CSMD3: variants seen among roughly 807,000 people sequenced by gnomAD.
CSMD3 encodes the protein CUB and Sushi multiple domains 3, also known as CUB and sushi domain-containing protein 3.
In CSMD3, 177 loss-of-function variants were observed where a neutral mutation model predicts 435.2. The observed-to-expected ratio is 0.41, with a 90% CI of 0.36 to 0.46. The LOEUF is 0.46. CSMD3 is among the 20% of genes least tolerant of loss of function. The probability of loss-of-function intolerance (pLI) is 0.34; values close to 1 mark genes in which losing one functional copy is unlikely to be tolerated. For synonymous variants in CSMD3, 1,656 were observed against 1,520.5 expected (o/e 1.09, Z -2.07); for missense variants, 4,265 against 4,504.6 (o/e 0.95, Z 1.52).
At chr8:112,650,373 A>C in intron 18 of CSMD3, 24 bp from the exon 19 acceptor site, 1 of 1,584,572 alleles carries the variant, frequency 6.3e-7, no homozygotes, top group Non-Finnish European at 8.7e-7. Context: ...GGAAGAAAAT[A>C]AAGAGTAAGC....
chr8:113,219,581 T>G (rs2092944039), intron 3 of CSMD3, among the ~76,000 whole-genome samples: 2 of 151,502 alleles, frequency 1.3e-5, no homozygotes, highest in African/African-American at 2.4e-5. Context: ...TAGATTGTGT[T>G]AGAGAAGATG....
chr8:112,686,697 G>T (rs1261693594), intron 14 of CSMD3, among the ~76,000 whole-genome samples: 1 of 151,970 alleles, frequency 6.6e-6, no homozygotes, highest in African/African-American at 2.4e-5. Flanking sequence ...TATTGGTCAA[G>T]CTGATCTCGA....
chr8:112,837,913 G>A (rs1456168951), intron 11 of CSMD3, among the ~76,000 whole-genome samples: 1 of 151,760 alleles, frequency 6.6e-6, no homozygotes, highest in Non-Finnish European at 1.5e-5. Flanking sequence ...CTCAAGGTAT[G>A]CAAATACCAC....
intron 2 of CSMD3, among the ~76,000 whole-genome samples, chr8:113,296,426 C>A (rs1380718122): frequency 1.3e-5 from 2 of 151,700 alleles, no homozygotes; most frequent in Admixed American, 6.6e-5. Context: ...AGCTAACACA[C>A]CAGGAGAGAA....
At chr8:112,768,971 A>G (rs573016182) in intron 13 of CSMD3, among the ~76,000 whole-genome samples, 139 of 152,076 alleles carry the variant, frequency 9.1e-4, no homozygotes, top group African/African-American at 3.2e-3. Flanking sequence ...TTATTCACAT[A>G]TCCAATTACC....
chr8:112,780,488 G>A (rs1372759334), intron 13 of CSMD3, among the ~76,000 whole-genome samples: 1 of 151,982 alleles, frequency 6.6e-6, no homozygotes, highest in Non-Finnish European at 1.5e-5. Flanking sequence ...ACACAAGAAA[G>A]CACTTCTGTA....
intron 41 of CSMD3, 60 bp from the exon 42 acceptor site, chr8:112,341,746 TACAC>T: frequency 3.0e-6 from 3 of 1,013,920 alleles, no homozygotes; most frequent in South Asian, 1.3e-5. Context: ...AACATAAATA[TACAC>T]ACACACAATC....
chr8:112,838,047 G>A (rs1177456084), intron 11 of CSMD3, among the ~76,000 whole-genome samples: 2 of 151,558 alleles, frequency 1.3e-5, no homozygotes, highest in African/African-American at 4.8e-5. Context: ...ACCCTGTGTT[G>A]ATTGCTTTGG....
chr8:112,352,881 T>A (rs923579067), intron 38 of CSMD3, among the ~76,000 whole-genome samples: 6 of 152,222 alleles, frequency 3.9e-5, no homozygotes, highest in African/African-American at 1.4e-4. Flanking sequence ...TAAAAATAAT[T>A]TATTATGATA....
At chr8:112,872,431 A>T (rs1017739204) in intron 10 of CSMD3, among the ~76,000 whole-genome samples, 1 of 152,046 alleles carries the variant, frequency 6.6e-6, no homozygotes, top group African/African-American at 2.4e-5. Context: ...TCGAAAGGAA[A>T]AGAATTAAAA....
rs1009112152 is a variant in CSMD3 at position 112,296,019 on chromosome 8, A to G, written c.8441-13T>C. ...CCACAATGACCCGCTGAAATACGTT[A>G]TAAAGTAATATTTTTAATACTGTGA... On this transcript the variant is annotated splice_polypyrimidine_tract_variant and intron_variant, in intron 53 of 70. Coordinates refer to ENST00000297405, the MANE Select transcript of CSMD3 (RefSeq NM_198123.2). 3 of 1,593,830 alleles carry G rather than the reference A, an allele frequency of 1.9e-6. No individual in the cohort carries two copies. Among genetic ancestry groups the G allele is most frequent in the African/African-American group, 1.3e-5 (1 of 74,730 alleles).
intron 45 of CSMD3, among the ~76,000 whole-genome samples, chr8:112,333,507 CAT>C (rs1385551556): frequency 3.3e-5 from 5 of 152,104 alleles, no homozygotes; most frequent in African/African-American, 1.2e-4. Context: ...TTCTATCACA[CAT>C]GTCTCAAAGC....
intron 9 of CSMD3, among the ~76,000 whole-genome samples, chr8:112,937,910 T>C (rs1271671623): frequency 3.3e-5 from 5 of 152,066 alleles, no homozygotes; most frequent in Non-Finnish European, 7.4e-5. Context: ...CATTCAAAAA[T>C]AGAATAAATA....
At chr8:112,616,004 G>A (rs909142121) in intron 22 of CSMD3, among the ~76,000 whole-genome samples, 3 of 152,064 alleles carry the variant, frequency 2.0e-5, no homozygotes, top group South Asian at 2.1e-4. Context: ...TGCCACCATC[G>A]AAATGGTAAT....
At chr8:113,300,611 C>T (rs2093758339) in intron 2 of CSMD3, among the ~76,000 whole-genome samples, 1 of 152,072 alleles carries the variant, frequency 6.6e-6, no homozygotes, top group Non-Finnish European at 1.5e-5. Flanking sequence ...ACCACATATT[C>T]TCACTTGTAA....
At position 112,921,724 on chromosome 8, in the gene CSMD3, A is replaced by T. The variant is rs760822398; in HGVS notation, c.1536T>A (p.Cys512Ter). 6.2e-7 allele frequency: 1 copy of T among 1,610,530 alleles called. No individual in the cohort carries two copies. Among genetic ancestry groups the T allele is most frequent in the Non-Finnish European group, 8.5e-7 (1 of 1,176,956 alleles). Reference protein sequence around the residue: ...FSLGSTVQFSCDEDYVLQGAK... With the variant: ...FSLGSTVQFS ...CGCCCTGTAGGACATAATCTTCATC[A>T]CAAGAGAACTGCACAGTTGATCCAA... Residue 512 changes from cysteine (C) to a stop codon, truncating the protein, a stop_gained, in exon 10 of 71, where the codon TGT (cysteine) becomes TGA (stop). Transcript: ENST00000297405. LOFTEE classifies it high-confidence loss of function.
At chr8:113,067,982 C>G (rs1272736717) in intron 5 of CSMD3, among the ~76,000 whole-genome samples, 1 of 152,154 alleles carries the variant, frequency 6.6e-6, no homozygotes, top group African/African-American at 2.4e-5. Flanking sequence ...TAATTGACTA[C>G]AAGGGACTGA....
intron 32 of CSMD3, among the ~76,000 whole-genome samples, chr8:112,461,120 G>GT (rs1414526771): frequency 1.3e-5 from 2 of 152,244 alleles, no homozygotes; most frequent in African/African-American, 4.8e-5. Flanking sequence ...AAACATGTGT[G>GT]TTTTAATTAT....
intron 4 of CSMD3, among the ~76,000 whole-genome samples, chr8:113,158,436 A>G (rs542579721): frequency 1.3e-5 from 2 of 152,200 alleles, no homozygotes; most frequent in South Asian, 4.1e-4. Flanking sequence ...ACTTTTTTCA[A>G]GTGATAAAAT....
Sources: gnomAD v4.1 joint callset for allele counts (sites outside exome capture counted in the v4.1 genomes callset) on GRCh38, gnomAD v4.1.1 for gene constraint, MANE v1.5 for transcripts, NCBI Gene and HGNC (gene_info 2026-07-23, HGNC 2026-07-21) for gene names.